Variants in PKHD1 observed in about 807,000 individuals in gnomAD.
PKHD1 encodes fibrocystin.
A neutral mutation model predicts 412.0 loss-of-function variants in PKHD1; 291 were observed. That is an observed-to-expected ratio of 0.71 (90% CI 0.64 to 0.78). The LOEUF is 0.78. PKHD1 is among the 30% of genes least tolerant of loss of function. The pLI is 0.00. For missense variants in PKHD1, 4,825 were observed against 4,950.7 expected (o/e 0.97, Z 0.76); for synonymous variants, 1,777 against 1,821.5 (o/e 0.98, Z 0.62).
Position 51,619,431 on chromosome 6 carries a change from T to C in PKHD1, c.11875A>G (p.Ile3959Val). 4 of 1,613,828 alleles carry C rather than the reference T, an allele frequency of 2.5e-6. No individual in the cohort carries two copies. The highest frequency in any genetic ancestry group is 3.4e-6 in the Non-Finnish European group (4 of 1,179,744). Residue 3959 changes from isoleucine (I) to valine (V), a missense_variant, in exon 67 of 67, where the codon ATT becomes GTT. Transcript: ENST00000371117. ...GVSRRKVSRH[I>V]VREEEAAVPA... is the part of the protein sequence containing the mutation. ...ACAGCAGCCTCTTCCTCTCGGACAATGTGGCGGCTAACTTTCCTTCTGGAC... is the reference window on the plus strand; with the variant it reads ...ACAGCAGCCTCTTCCTCTCGGACAACGTGGCGGCTAACTTTCCTTCTGGAC...
intron 60 of PKHD1, among the ~76,000 whole-genome samples, chr6:51,717,717 T>C (rs1223376270): frequency 6.6e-6 from 1 of 152,172 alleles, no homozygotes; most frequent in Non-Finnish European, 1.5e-5. Flanking sequence ...ATATCACCAT[T>C]GTTAAGCAAC....
intron 65 of PKHD1, among the ~76,000 whole-genome samples, chr6:51,629,283 C>T (rs1358049861): frequency 6.6e-6 from 1 of 152,086 alleles, no homozygotes; most frequent in Non-Finnish European, 1.5e-5. Context: ...AAACAACCTA[C>T]AGAATGAGAG....
chr6:51,808,580 T>A (rs1433398874), intron 52 of PKHD1, among the ~76,000 whole-genome samples: 1 of 152,114 alleles, frequency 6.6e-6, no homozygotes, highest in Non-Finnish European at 1.5e-5. Context: ...TTGTCAGACA[T>A]GTAATTTTTT....
At chr6:51,920,905 T>C (rs538842548) in intron 37 of PKHD1, among the ~76,000 whole-genome samples, 219 of 152,346 alleles carry the variant, frequency 1.4e-3, no homozygotes, top group Non-Finnish European at 2.6e-3. Context: ...CCATTTTATT[T>C]GTGTAGAGGT....
chr6:51,846,954 T>C (rs1309389706), intron 50 of PKHD1, among the ~76,000 whole-genome samples: 1 of 152,104 alleles, frequency 6.6e-6, no homozygotes, highest in Non-Finnish European at 1.5e-5. Context: ...CATCCATTTT[T>C]TTCTCTTTCT....
intron 2 of PKHD1, among the ~76,000 whole-genome samples, chr6:52,084,187 T>C (rs1199760476): frequency 6.6e-6 from 1 of 152,240 alleles, no homozygotes; most frequent in Non-Finnish European, 1.5e-5. Context: ...GACAGAATTA[T>C]TTATAGTTTC....
At chr6:52,044,705 T>C (rs1805495235) in intron 25 of PKHD1, among the ~76,000 whole-genome samples, 1 of 152,232 alleles carries the variant, frequency 6.6e-6, no homozygotes, top group South Asian at 2.1e-4. Context: ...CATATTTAGC[T>C]ATAGAAATTA....
chr6:51,680,040 G>C (rs930232607), intron 60 of PKHD1, among the ~76,000 whole-genome samples: 1 of 151,842 alleles, frequency 6.6e-6, no homozygotes, highest in African/African-American at 2.4e-5. Flanking sequence ...TGCAAAGTAG[G>C]AATAATAATG....
intron 5 of PKHD1, among the ~76,000 whole-genome samples, chr6:52,077,390 C>T (rs1270257102): frequency 1.3e-5 from 2 of 152,138 alleles, no homozygotes; most frequent in African/African-American, 4.8e-5. Flanking sequence ...TAGGAAGAGA[C>T]CTAGTCTCCC....
rs1374480151 is a variant in PKHD1, at chr6:51,659,973, TAAAAG to T, written c.10157-9_10157-5del. The T allele has an allele frequency of 1.2e-5, 19 of 1,577,388 alleles. No individual in the cohort carries two copies. The highest frequency in any genetic ancestry group is 1.4e-5 in the Non-Finnish European group (16 of 1,147,832). On this transcript the variant is annotated splice_polypyrimidine_tract_variant and splice_region_variant and intron_variant, in intron 60 of 66. Transcript: ENST00000371117. ...TTCTGTTCTTCTCTAAATGTACCTA[TAAAAG>T]AAAAGAAGCAAAACAAGTGATATAT...
chr6:52,066,522 C>G (rs1048566807), intron 11 of PKHD1, among the ~76,000 whole-genome samples: 1 of 151,990 alleles, frequency 6.6e-6, no homozygotes, highest in African/African-American at 2.4e-5. Context: ...CTTTAGGACC[C>G]TCCCACTCTT....
intron 43 of PKHD1, among the ~76,000 whole-genome samples, chr6:51,895,546 T>C (rs1779774112): frequency 6.6e-6 from 1 of 152,256 alleles, no homozygotes; most frequent in Non-Finnish European, 1.5e-5. Flanking sequence ...TATAGGTTTA[T>C]ACCTTCATTC....
At chr6:52,068,709 C>T (rs893251154) in intron 11 of PKHD1, among the ~76,000 whole-genome samples, 2 of 152,132 alleles carry the variant, frequency 1.3e-5, no homozygotes, top group African/African-American at 4.8e-5. Flanking sequence ...TCACCTTGGG[C>T]GCTTCTTCAA....
At chr6:52,017,711 G>A (rs1264313982) in intron 33 of PKHD1, 82 bp from the exon 34 acceptor site, 11 of 1,014,374 alleles carry the variant, frequency 1.1e-5, no homozygotes, top group Admixed American at 5.2e-5. Flanking sequence ...AAGTTCCTGT[G>A]TCCTCCTTTG....
intron 60 of PKHD1, among the ~76,000 whole-genome samples, chr6:51,683,261 T>C (rs1289859809): frequency 6.6e-6 from 1 of 151,938 alleles, no homozygotes; most frequent in Non-Finnish European, 1.5e-5. Flanking sequence ...TGAGCAAATT[T>C]TAAGGACAAT....
At chr6:51,709,230 G>T (rs1780362147) in intron 60 of PKHD1, among the ~76,000 whole-genome samples, 1 of 152,090 alleles carries the variant, frequency 6.6e-6, no homozygotes, top group Non-Finnish European at 1.5e-5. Flanking sequence ...CAAGTATGTT[G>T]TACCTGGTAG....
chr6:51,872,834 G>GA (rs1370852418), intron 46 of PKHD1, among the ~76,000 whole-genome samples: 1 of 149,090 alleles, frequency 6.7e-6, no homozygotes, highest in African/African-American at 2.5e-5. Context: ...TAATAAAGGG[G>GA]TCTCCATATA....
At chr6:52,084,465 T>C (rs765748116) in intron 2 of PKHD1, among the ~76,000 whole-genome samples, 11 of 152,238 alleles carry the variant, frequency 7.2e-5, no homozygotes, top group Non-Finnish European at 1.3e-4. Flanking sequence ...CTAATGATTA[T>C]GACAAGTTAA....
intron 53 of PKHD1, among the ~76,000 whole-genome samples, chr6:51,778,274 T>C (rs994657170): frequency 6.6e-6 from 1 of 152,170 alleles, no homozygotes; most frequent in South Asian, 2.1e-4. Flanking sequence ...AAGAGGCATA[T>C]TAAACCTGGG....
Sources: gnomAD v4.1 joint callset for allele counts (sites outside exome capture counted in the v4.1 genomes callset) on GRCh38, gnomAD v4.1.1 for gene constraint, MANE v1.5 for transcripts, NCBI Gene and HGNC (gene_info 2026-07-23, HGNC 2026-07-21) for gene names.